SGCZ: variants seen among roughly 807,000 people sequenced by gnomAD.
SGCZ encodes zeta-sarcoglycan.
A neutral mutation model predicts 41.3 loss-of-function variants in SGCZ; 40 were observed. That is an observed-to-expected ratio of 0.97 (90% CI 0.75 to 1.26). The LOEUF (loss-of-function observed/expected upper bound fraction) is 1.26, where lower values mean the gene tolerates loss of function less well. SGCZ is among the 50% of genes most tolerant of loss of function. SGCZ has a pLI of 0.00. For synonymous variants in SGCZ, 206 were observed against 137.5 expected (o/e 1.50, Z -3.49); for missense variants, 552 against 369.8 (o/e 1.49, Z -4.04).
At position 14,984,286 on chromosome 8, in the gene SGCZ, T is replaced by G. The variant is rs577473903; in HGVS notation, c.39+253299A>C. Among the ~76,000 whole-genome samples the G allele has an allele frequency of 9.3e-4, 141 of 152,302 alleles. 1 individual carries two copies. Among genetic ancestry groups the G allele is most frequent in the African/African-American group, 3.1e-3 (129 of 41,572 alleles). ...TCAGTATGAAATAGTGGCAATATGATGAAACATAACAGCAATTCTATTATT... is the reference window on the plus strand; with the variant it reads ...TCAGTATGAAATAGTGGCAATATGAGGAAACATAACAGCAATTCTATTATT... On this transcript the variant is annotated intron_variant, in intron 1 of 7. Transcript: ENST00000382080.
At chr8:14,552,210 C>T (rs146058134) in intron 2 of SGCZ, among the ~76,000 whole-genome samples, 4 of 152,098 alleles carry the variant, frequency 2.6e-5, no homozygotes, top group South Asian at 2.1e-4. Context: ...TGATGGAAGA[C>T]GATTACAAAT....
chr8:14,254,760 G>A (rs1165312897), intron 3 of SGCZ, among the ~76,000 whole-genome samples: 2 of 151,524 alleles, frequency 1.3e-5, no homozygotes, highest in Non-Finnish European at 2.9e-5. Flanking sequence ...TTTTTTTTCT[G>A]GAGGAGGAAT....
chr8:14,524,094 A>C (rs529498605), intron 2 of SGCZ, among the ~76,000 whole-genome samples: 2 of 152,020 alleles, frequency 1.3e-5, no homozygotes, highest in Non-Finnish European at 2.9e-5. Flanking sequence ...GTATCTAGTG[A>C]TTATTTTACA....
chr8:14,271,228 T>C (rs1372630158), intron 3 of SGCZ, among the ~76,000 whole-genome samples: 1 of 151,854 alleles, frequency 6.6e-6, no homozygotes, highest in Admixed American at 6.6e-5. Context: ...TGTATAGGAG[T>C]TGACTATCTA....
intron 1 of SGCZ, among the ~76,000 whole-genome samples, chr8:14,892,501 C>T (rs551053845): frequency 5.7e-4 from 87 of 152,238 alleles, no homozygotes; most frequent in African/African-American, 2.0e-3. Flanking sequence ...TATAGCATCA[C>T]GTCTCTTTGG....
rs561034030 is a variant in SGCZ at position 15,215,483 on chromosome 8, A to G, written c.39+22102T>C. On this transcript the variant is annotated intron_variant, in intron 1 of 7. Transcript: ENST00000382080. Reference sequence around the variant, plus strand: ...TTAGATTTCTGTCTGGAACATACACACACCTACATCTGTCTATCTAGCAAT... The same window carrying G: ...TTAGATTTCTGTCTGGAACATACACGCACCTACATCTGTCTATCTAGCAAT... Among the ~76,000 whole-genome samples the G allele has an allele frequency of 1.2e-4, 19 of 152,260 alleles. 1 individual carries two copies. In the South Asian group the frequency reaches 2.3e-3, roughly 18 times the overall value.
At chr8:14,311,387 T>G (rs1801537852) in intron 3 of SGCZ, among the ~76,000 whole-genome samples, 1 of 152,128 alleles carries the variant, frequency 6.6e-6, no homozygotes, top group African/African-American at 2.4e-5. Flanking sequence ...ATCCTGTCCC[T>G]GGTTTTCTGT....
intron 1 of SGCZ, among the ~76,000 whole-genome samples, chr8:14,762,570 T>C (rs904678852): frequency 1.3e-4 from 20 of 152,198 alleles, no homozygotes; most frequent in African/African-American, 4.3e-4. Flanking sequence ...GCTTTGTTAA[T>C]TGAAAACAAA....
intron 1 of SGCZ, among the ~76,000 whole-genome samples, chr8:15,192,753 G>T (rs1021446525): frequency 6.6e-6 from 1 of 152,058 alleles, no homozygotes; most frequent in Non-Finnish European, 1.5e-5. Flanking sequence ...CTGCCCCATT[G>T]CCATTAATCT....
At chr8:14,110,343 A>ATAAT in intron 5 of SGCZ, among the ~76,000 whole-genome samples, 2 of 152,258 alleles carry the variant, frequency 1.3e-5, no homozygotes, top group East Asian at 1.9e-4. Context: ...TGACAGAAAT[A>ATAAT]TAATTAAACA....
intron 1 of SGCZ, among the ~76,000 whole-genome samples, chr8:14,856,396 G>C (rs1016443326): frequency 1.3e-5 from 2 of 152,146 alleles, no homozygotes; most frequent in Admixed American, 6.6e-5. Context: ...GGAAGAAGAA[G>C]TGTACTTAGA....
At chr8:14,519,687 TGTTC>T (rs1585624726) in intron 2 of SGCZ, among the ~76,000 whole-genome samples, 1 of 152,168 alleles carries the variant, frequency 6.6e-6, no homozygotes, top group East Asian at 1.9e-4. Flanking sequence ...CAGTCTCGGC[TGTTC>T]ATTTATCTGC....
chr8:14,853,412 T>TCATGAG (rs1241999222), intron 1 of SGCZ: 1 of 526,804 alleles, frequency 1.9e-6, no homozygotes, highest in Non-Finnish European at 3.9e-6. Context: ...ACCCAAGGTC[T>TCATGAG]CATGAGGTAA....
chr8:14,946,996 T>G lies in SGCZ; in HGVS notation c.39+290589A>C, dbSNP rs543904979. Reference sequence around the variant, plus strand: ...GACTGCCTCTTTCTATAGTTAGGGTTTGAAACATAAAAGGAACTTTTGAGA... The same window carrying G: ...GACTGCCTCTTTCTATAGTTAGGGTGTGAAACATAAAAGGAACTTTTGAGA... On this transcript the variant is annotated intron_variant, in intron 1 of 7. Transcript: ENST00000382080. Among the ~76,000 whole-genome samples, 4 of 152,246 alleles carry G rather than the reference T, an allele frequency of 2.6e-5. No homozygotes were observed. In the South Asian group the frequency reaches 6.2e-4, roughly 24 times the overall value.
At chr8:14,826,809 A>G (rs1345161998) in intron 1 of SGCZ, among the ~76,000 whole-genome samples, 4 of 152,026 alleles carry the variant, frequency 2.6e-5, no homozygotes, top group Non-Finnish European at 5.9e-5. Context: ...AATTTGTTTG[A>G]GTTCATTGTA....
chr8:14,655,826 T>G (rs1397009373), intron 1 of SGCZ, among the ~76,000 whole-genome samples: 1 of 152,084 alleles, frequency 6.6e-6, no homozygotes, highest in African/African-American at 2.4e-5. Context: ...TCTAGAATGT[T>G]GTCATTTAGG....
intron 1 of SGCZ, among the ~76,000 whole-genome samples, chr8:14,957,061 G>T (rs1800816245): frequency 6.6e-6 from 1 of 152,048 alleles, no homozygotes; most frequent in Non-Finnish European, 1.5e-5. Flanking sequence ...TTAATTTGAA[G>T]TATAAGAGAA....
At chr8:14,702,143 C>T (rs892753495) in intron 1 of SGCZ, among the ~76,000 whole-genome samples, 3 of 151,932 alleles carry the variant, frequency 2.0e-5, no homozygotes, top group African/African-American at 7.3e-5. Context: ...GCTCAGTGCT[C>T]ACTTTGCCCA....
intron 1 of SGCZ, among the ~76,000 whole-genome samples, chr8:14,675,325 T>A (rs1264435868): frequency 6.6e-6 from 1 of 152,104 alleles, no homozygotes; most frequent in Non-Finnish European, 1.5e-5. Context: ...CCATAAATAA[T>A]GCATAATACC....
Sources: gnomAD v4.1 joint callset for allele counts (sites outside exome capture counted in the v4.1 genomes callset) on GRCh38, gnomAD v4.1.1 for gene constraint, MANE v1.5 for transcripts, NCBI Gene and HGNC (gene_info 2026-07-23, HGNC 2026-07-21) for gene names.